The following FAM184A variants were observed in gnomAD, a reference collection of about 807,000 sequenced individuals.
FAM184A encodes the protein protein FAM184A.
In FAM184A, 99 loss-of-function variants were observed where a neutral mutation model predicts 143.8. That is an observed-to-expected ratio of 0.69 (90% CI 0.58 to 0.81). The LOEUF is 0.81. Ranked by LOEUF, FAM184A falls within the 40% of genes least tolerant of loss-of-function variation. FAM184A has a pLI of 0.00. For missense variants in FAM184A, 1,217 were observed against 1,310.5 expected (o/e 0.93, Z 1.10); for synonymous variants, 427 against 446.4 (o/e 0.96, Z 0.55).
At chr6:118,968,919 TC>T (rs1184718462) in intron 14 of FAM184A, among the ~76,000 whole-genome samples, 2 of 152,184 alleles carry the variant, frequency 1.3e-5, no homozygotes, top group African/African-American at 2.4e-5. Context: ...TATCAGTTAA[TC>T]TTCTCTATAA....
chr6:119,009,197 G>A (rs1177361568), intron 6 of FAM184A, among the ~76,000 whole-genome samples: 2 of 152,136 alleles, frequency 1.3e-5, no homozygotes, highest in Admixed American at 1.3e-4. Flanking sequence ...GACTCAGTAA[G>A]CACTAAATAA....
At chr6:119,142,874 G>A (rs1022957268) in intron 1 of FAM184A, among the ~76,000 whole-genome samples, 5 of 152,138 alleles carry the variant, frequency 3.3e-5, no homozygotes, top group African/African-American at 1.2e-4. Flanking sequence ...ATTGCTGACC[G>A]GATAAAATGA....
At chr6:118,965,452 A>C (rs1783473731) in intron 15 of FAM184A, among the ~76,000 whole-genome samples, 1 of 152,194 alleles carries the variant, frequency 6.6e-6, no homozygotes, top group Non-Finnish European at 1.5e-5. Context: ...GATTGCCCAC[A>C]TAGAGATAAA....
intron 4 of FAM184A, among the ~76,000 whole-genome samples, chr6:119,018,824 G>T (rs1562475874): frequency 6.6e-6 from 1 of 152,068 alleles, no homozygotes; most frequent in East Asian, 1.9e-4. Context: ...ACAGGACTCT[G>T]TAACAGATAA....
At chr6:119,031,102 T>C (rs1284288875) in intron 1 of FAM184A, among the ~76,000 whole-genome samples, 2 of 152,186 alleles carry the variant, frequency 1.3e-5, no homozygotes, top group Admixed American at 1.3e-4. Flanking sequence ...TTTCCTATGA[T>C]AAATCAGATA....
At chr6:119,038,145 C>T (rs1026867066) in intron 1 of FAM184A, among the ~76,000 whole-genome samples, 5 of 151,994 alleles carry the variant, frequency 3.3e-5, no homozygotes, top group African/African-American at 1.2e-4. Context: ...GCAGTTAAAC[C>T]CCCAGCTGTC....
intron 1 of FAM184A, among the ~76,000 whole-genome samples, chr6:119,077,575 G>A (rs1582593507): frequency 1.3e-5 from 2 of 152,294 alleles, no homozygotes; most frequent in Admixed American, 1.3e-4. Flanking sequence ...ACTAGATGCA[G>A]GCACAGTGTG....
In FAM184A at chr6:119,024,166, T is replaced by C. The variant is rs184492518; in HGVS notation, c.807A>G (p.Ser269=). 6.0e-4 allele frequency: 961 copies of C among 1,614,222 alleles called. 8 individuals are homozygous for C. In the African/African-American group the frequency reaches 0.012, roughly 20 times the overall value. The change falls in exon 2 of 18, where the codon TCA becomes TCG. Residue 269 remains serine, a synonymous_variant. Coordinates refer to ENST00000338891, the MANE Select transcript of FAM184A (RefSeq NM_024581.6). ...YERELDTLKR[S]QLFTAESLQA... ...GTAGGCTTTCTGCTGTAAAAAGCTG[T>C]GACCTTTTCAAAGTATCAAGCTCAC...
At chr6:119,109,086 T>C (rs1218490952) in intron 1 of FAM184A, among the ~76,000 whole-genome samples, 1 of 145,360 alleles carries the variant, frequency 6.9e-6, no homozygotes, top group Non-Finnish European at 1.5e-5. Context: ...CCTATTCCTA[T>C]CTCCTCCATG....
chr6:119,058,941 GTTATTTTATTTTTATTTTATATTTA>G (rs1334762706), intron 1 of FAM184A, among the ~76,000 whole-genome samples: 1 of 151,350 alleles, frequency 6.6e-6, no homozygotes, highest in Non-Finnish European at 1.5e-5. Flanking sequence ...TAATATAATG[GTTATTTTATTTTTATTTTATATTTA>G]TTATTTTATT....
At chr6:119,139,236 A>G (rs1281627027) in intron 1 of FAM184A, among the ~76,000 whole-genome samples, 2 of 152,226 alleles carry the variant, frequency 1.3e-5, no homozygotes, top group Admixed American at 6.5e-5. Context: ...CCAAAGCTAA[A>G]TCAGCCTCTT....
At position 119,078,184 on chromosome 6, in the gene FAM184A, T is replaced by C. The variant is rs201604238; in HGVS notation, c.116A>G (p.Glu39Gly). The C allele has an allele frequency of 3.1e-4, 493 of 1,590,732 alleles. No individual in the cohort carries two copies. Among genetic ancestry groups the C allele is most frequent in the Non-Finnish European group, 3.7e-4 (435 of 1,170,670 alleles). ...TTTCTTGCTCATTTTCAGGTGCATCTCCTGGCTGTAGTCCATGCTGTGCCC... is the reference window on the plus strand; with the variant it reads ...TTTCTTGCTCATTTTCAGGTGCATCCCCTGGCTGTAGTCCATGCTGTGCCC... ...LAGHSMDYSQ[E>G]MHLKMSKKIA... The change falls in exon 1 of 18, where the codon GAG (glutamate) becomes GGG (glycine). Residue 39 changes from glutamate to glycine, a missense_variant. Transcript: ENST00000338891. This position sits in a 1 kb window ranked among gnomAD's most constrained non-coding sequence, Gnocchi z 5.5.
chr6:119,077,524 A>G (rs1459236535), intron 1 of FAM184A, among the ~76,000 whole-genome samples: 1 of 152,236 alleles, frequency 6.6e-6, no homozygotes, highest in Non-Finnish European at 1.5e-5. Flanking sequence ...TGTGAAAGCT[A>G]ACTGCTCTTT....
chr6:119,109,666 A>C (rs529777358), intron 1 of FAM184A, among the ~76,000 whole-genome samples: 1 of 152,370 alleles, frequency 6.6e-6, no homozygotes, highest in South Asian at 2.1e-4. Context: ...GACGAATTGA[A>C]GCTGTTAATG....
chr6:118,998,651 A>G (rs966702494), intron 9 of FAM184A, among the ~76,000 whole-genome samples: 5 of 152,168 alleles, frequency 3.3e-5, no homozygotes, highest in Non-Finnish European at 5.9e-5. Context: ...AGCTGTGCAG[A>G]TCTCTAGAAA....
chr6:119,125,078 G>A (rs758310291), intron 1 of FAM184A, among the ~76,000 whole-genome samples: 1 of 152,144 alleles, frequency 6.6e-6, no homozygotes, highest in Non-Finnish European at 1.5e-5. Context: ...TATAAACATT[G>A]TTGTAGCTTG....
chr6:119,118,619 A>G lies in FAM184A; in HGVS notation c.-202+30459T>C, dbSNP rs550632090. Among the ~76,000 whole-genome samples, 82 of 152,346 alleles carry G rather than the reference A, an allele frequency of 5.4e-4. 1 individual carries two copies. The highest frequency in any genetic ancestry group is 1.9e-3 in the African/African-American group (80 of 41,570). Reference sequence around the variant, plus strand: ...TCTGAACATAAATTGTGAAGATTTCATGGACACTTATCACTTCCCCAATCA... The same window carrying G: ...TCTGAACATAAATTGTGAAGATTTCGTGGACACTTATCACTTCCCCAATCA... On this transcript the variant is annotated intron_variant, in intron 1 of 16. Transcript: ENST00000352896.
chr6:119,124,189 C>G (rs1789298037), intron 1 of FAM184A, among the ~76,000 whole-genome samples: 1 of 152,102 alleles, frequency 6.6e-6, no homozygotes, highest in Non-Finnish European at 1.5e-5. Context: ...GGATTTTTAT[C>G]TTTTGTTTCA....
At chr6:119,048,054 C>T (rs940540604) in intron 1 of FAM184A, among the ~76,000 whole-genome samples, 19 of 152,102 alleles carry the variant, frequency 1.2e-4, no homozygotes, top group Non-Finnish European at 1.3e-4. Flanking sequence ...TCTTCATCTC[C>T]GGGATGGAAG....
Sources: allele counts gnomAD v4.1 joint callset (sites outside exome capture counted in the v4.1 genomes callset), GRCh38; gene constraint gnomAD v4.1.1; non-coding constraint Gnocchi (gnomAD v3.1); transcripts MANE v1.5; gene names NCBI Gene and HGNC (gene_info 2026-07-23, HGNC 2026-07-21).